MAN2A1: variants seen among roughly 807,000 people sequenced by gnomAD.
MAN2A1 encodes mannosidase alpha class 2A member 1.
In MAN2A1, 76 loss-of-function variants were observed where a neutral mutation model predicts 142.6. The ratio of observed to expected loss-of-function variants is 0.53; its 90% CI spans 0.44 to 0.65. MAN2A1 has a LOEUF of 0.65. Ranked by LOEUF, MAN2A1 falls within the 30% of genes least tolerant of loss-of-function variation. MAN2A1 has a pLI of 0.00. For missense variants in MAN2A1, 1,311 were observed against 1,365.1 expected, an observed-to-expected ratio of 0.96 and a Z score of 0.62; for synonymous variants, 559 against 473.2, an observed-to-expected ratio of 1.18 and a Z score of -2.35.
intron 1 of MAN2A1, among the ~76,000 whole-genome samples, chr5:109,713,026 A>G (rs1582814117): frequency 6.6e-6 from 1 of 152,194 alleles, no homozygotes; most frequent in African/African-American, 2.4e-5. Flanking sequence ...TGAATTGACT[A>G]ATTGATTTTT....
At chr5:109,833,729 T>G in intron 16 of MAN2A1, among the ~76,000 whole-genome samples, 1 of 151,434 alleles carries the variant, frequency 6.6e-6, no homozygotes. Flanking sequence ...TTGAAGGAGT[T>G]TTCTTATAGG....
At chr5:109,823,697 T>C (rs1172098817) in intron 15 of MAN2A1, 26 bp from the exon 16 acceptor site, 2 of 1,198,936 alleles carry the variant, frequency 1.7e-6, no homozygotes, top group South Asian at 2.5e-5. Context: ...AAAATATTTT[T>C]CTTAAATATA....
chr5:109,860,472 G>A (rs1272253644), intron 20 of MAN2A1, among the ~76,000 whole-genome samples: 1 of 152,178 alleles, frequency 6.6e-6, no homozygotes, highest in Non-Finnish European at 1.5e-5. Context: ...CCCACCAGAT[G>A]TGTAGCCGTG....
At chr5:109,766,890 T>C (rs1221734393) in intron 5 of MAN2A1, among the ~76,000 whole-genome samples, 2 of 152,192 alleles carry the variant, frequency 1.3e-5, no homozygotes, top group Non-Finnish European at 2.9e-5. Context: ...AGATATATCT[T>C]TAGTCAGTAG....
At chr5:109,772,532 C>T (rs183496244) in intron 7 of MAN2A1, among the ~76,000 whole-genome samples, 23 of 152,212 alleles carry the variant, frequency 1.5e-4, no homozygotes, top group Admixed American at 8.5e-4. Flanking sequence ...TTTTTTGAGA[C>T]AGGTTCTCTT....
At chr5:109,712,542 C>T (rs1435859481) in intron 1 of MAN2A1, among the ~76,000 whole-genome samples, 3 of 151,990 alleles carry the variant, frequency 2.0e-5, no homozygotes, top group Non-Finnish European at 4.4e-5. Context: ...TCCTTCTTTC[C>T]TTTCTGCTTT....
In MAN2A1 at chr5:109,811,573, CGTGT is replaced by C. The variant is rs70999943; in HGVS notation, c.1944-5669_1944-5666del. 4.1e-3 allele frequency among the ~76,000 whole-genome samples: 594 copies of C among 144,970 alleles called. 1 individual carries two copies. The highest frequency in any genetic ancestry group is 6.1e-3 in the East Asian group (30 of 4,946). On this transcript the variant is annotated intron_variant, in intron 12 of 21. Transcript: ENST00000261483. ...GAAGATTGTTAATCTTCCTAACAGC[CGTGT>C]GTGTGTGTGTGTGTGTGTGTGTGTG... is the stretch of plus-strand genomic sequence containing the variant.
rs138211111 is a variant in MAN2A1, at chr5:109,768,935, G to A, written c.1009+1227G>A. On this transcript the variant is annotated intron_variant, in intron 6 of 21. Transcript: ENST00000261483. ...GAGTACTTTTATGTATTTCAGTATTGTGCTAGGAAGAAATGTTGAAAACAT... is the reference window on the plus strand; with the variant it reads ...GAGTACTTTTATGTATTTCAGTATTATGCTAGGAAGAAATGTTGAAAACAT... Among the ~76,000 whole-genome samples, 1,097 of 152,218 alleles carry A rather than the reference G, an allele frequency of 7.2e-3. 15 individuals are homozygous for A. The highest frequency in any genetic ancestry group is 0.023 in the African/African-American group (973 of 41,532).
At chr5:109,864,016 G>A (rs1316104696) in intron 20 of MAN2A1, 1 of 152,160 alleles carries the variant, frequency 6.6e-6, no homozygotes, top group Non-Finnish European at 1.5e-5. Context: ...AATCAAATCA[G>A]TGGTGGAGAT....
At chr5:109,722,225 A>G (rs1315681919) in intron 3 of MAN2A1, among the ~76,000 whole-genome samples, 2 of 152,232 alleles carry the variant, frequency 1.3e-5, no homozygotes, top group East Asian at 1.9e-4. Flanking sequence ...TTTTTCAGCT[A>G]TCTTGCAAAA....
intron 8 of MAN2A1, among the ~76,000 whole-genome samples, chr5:109,775,640 T>C (rs1392084323): frequency 2.0e-5 from 3 of 152,092 alleles, no homozygotes; most frequent in East Asian, 3.8e-4. Context: ...CTCCTCCCCA[T>C]AGGATTATAT....
chr5:109,830,944 A>G (rs947212969), intron 16 of MAN2A1, among the ~76,000 whole-genome samples: 1 of 152,238 alleles, frequency 6.6e-6, no homozygotes, highest in African/African-American at 2.4e-5. Context: ...TGTTGAAGCC[A>G]TAACTCCTTA....
chr5:109,858,298 G>T (rs1484591403), intron 20 of MAN2A1, among the ~76,000 whole-genome samples: 3 of 152,170 alleles, frequency 2.0e-5, no homozygotes, highest in Non-Finnish European at 4.4e-5. Flanking sequence ...TCCAAAGGAA[G>T]GACTGGTCCA....
rs1229438529 is a variant in MAN2A1 at position 109,729,330 on chromosome 5, G to T, written c.536-12G>T. 6.3e-7 allele frequency: 1 copy of T among 1,580,350 alleles called. No homozygotes were observed. Among genetic ancestry groups the T allele is most frequent in the African/African-American group, 1.4e-5 (1 of 73,374 alleles). On this transcript the variant is annotated splice_polypyrimidine_tract_variant and intron_variant, in intron 3 of 21. Coordinates refer to ENST00000261483, the MANE Select transcript of MAN2A1 (RefSeq NM_002372.4). ...AATTAGACCTTTGTGGTATATTTGT[G>T]TCTTGATTTAGGTTGGTTGAAGACT...
At position 109,839,934 on chromosome 5, in the gene MAN2A1, C is replaced by CT. The variant is rs766999792; in HGVS notation, c.2567-2379dup. ...TGCCTACACTAACAGCATTTACATT[C>CT]TTTTTTTTTTTTTTTAACAGAAATG... On this transcript the variant is annotated intron_variant, in intron 16 of 21. Coordinates refer to ENST00000261483, the MANE Select transcript of MAN2A1 (RefSeq NM_002372.4). Among the ~76,000 whole-genome samples, 1,310 of 140,174 alleles carry CT rather than the reference C, an allele frequency of 9.3e-3. 9 individuals carry two copies. Among genetic ancestry groups the CT allele is most frequent in the African/African-American group, 0.016 (618 of 38,262 alleles). 92.0% of individuals were successfully genotyped at this position (140,174 alleles called of 152,430 possible).
chr5:109,812,721 TA>T (rs750825854), intron 12 of MAN2A1, among the ~76,000 whole-genome samples: 1 of 152,220 alleles, frequency 6.6e-6, no homozygotes, highest in Admixed American at 6.5e-5. Flanking sequence ...GGACTAATTA[TA>T]TAATTTATAT....
intron 4 of MAN2A1, among the ~76,000 whole-genome samples, chr5:109,736,645 T>C (rs958136386): frequency 2.6e-5 from 4 of 152,224 alleles, no homozygotes; most frequent in African/African-American, 7.2e-5. Context: ...ATTTATCCCA[T>C]GTGTAGTTAT....
At chr5:109,733,767 T>C (rs1470879126) in intron 4 of MAN2A1, among the ~76,000 whole-genome samples, 1 of 152,248 alleles carries the variant, frequency 6.6e-6, no homozygotes, top group Non-Finnish European at 1.5e-5. Flanking sequence ...GGTTTGCCAG[T>C]ATTTTATTGA....
chr5:109,714,989 CAAA>C (rs60333109), intron 2 of MAN2A1, among the ~76,000 whole-genome samples: 8 of 118,094 alleles, frequency 6.8e-5, no homozygotes, highest in African/African-American at 2.0e-4. Flanking sequence ...AAGGGAACAG[CAAA>C]AAAAAAAAAA....
Sources: gnomAD v4.1 joint callset for allele counts (sites outside exome capture counted in the v4.1 genomes callset) on GRCh38, gnomAD v4.1.1 for gene constraint, MANE v1.5 for transcripts, NCBI Gene and HGNC (gene_info 2026-07-23, HGNC 2026-07-21) for gene names.